Variants in PLEKHH1 observed in about 807,000 individuals in gnomAD.
PLEKHH1 encodes pleckstrin homology domain-containing family H member 1.
A neutral mutation model predicts 160.0 loss-of-function variants in PLEKHH1; 104 were observed. That is an observed-to-expected ratio of 0.65 (90% CI 0.55 to 0.76). The LOEUF is 0.76. PLEKHH1 is among the 30% of genes least tolerant of loss of function. The pLI, the probability that PLEKHH1 is intolerant of heterozygous loss-of-function variation, is 0.00. For missense variants in PLEKHH1, 1,427 were observed against 1,724.1 expected (o/e 0.83, Z 3.05); for synonymous variants, 619 against 678.4 (o/e 0.91, Z 1.36).
intron 26 of PLEKHH1, among the ~76,000 whole-genome samples, chr14:67,584,913 G>A (rs2036077657): frequency 6.6e-6 from 1 of 152,208 alleles, no homozygotes; most frequent in African/African-American, 2.4e-5. Context: ...GGACCCACTT[G>A]GTCTGGGAGC....
At chr14:67,567,490 G>A (rs1169288549) in intron 7 of PLEKHH1, among the ~76,000 whole-genome samples, 3 of 151,972 alleles carry the variant, frequency 2.0e-5, no homozygotes, top group African/African-American at 7.3e-5. Context: ...ACTCTGGGCA[G>A]AAATAATCCT....
Position 67,578,208 on chromosome 14 carries a change from G to A in PLEKHH1, c.2751+9G>A, listed in dbSNP as rs757172606. 1 of 1,611,852 alleles carries A rather than the reference G, an allele frequency of 6.2e-7. No individual in the cohort carries two copies. The highest frequency in any genetic ancestry group is 8.5e-7 in the Non-Finnish European group (1 of 1,178,538). On this transcript the variant is annotated intron_variant, in intron 19 of 28. Coordinates refer to ENST00000329153, the MANE Select transcript of PLEKHH1 (RefSeq NM_020715.3). This position sits in a 1 kb window ranked among gnomAD's most constrained non-coding sequence, Gnocchi z 5.0. The stretch of plus-strand genomic sequence containing the variant: ...AGTACTCCCTCATGCAGGTAGGCAT[G>A]CCAGGGGTGGAGCAGCTGACAGAAG...
Position 67,569,146 on chromosome 14 carries a change from G to C in PLEKHH1, c.1272G>C (p.Arg424=). 6.2e-7 allele frequency: 1 copy of C among 1,611,382 alleles called. No individual in the cohort carries two copies. The highest frequency in any genetic ancestry group is 8.5e-7 in the Non-Finnish European group (1 of 1,178,142). ...PLHQFSSWES[R]IYAVATSGMR... The stretch of plus-strand genomic sequence containing the variant: ...GAGACCTCTTGTTTCAGGAGAGCCG[G>C]ATCTATGCTGTGGCCACATCGGGCA... Residue 424 remains arginine, a synonymous_variant, in exon 8 of 29, where the codon CGG becomes CGC. Transcript: ENST00000329153.
chr14:67,556,087 A>T (rs2034581756), intron 3 of PLEKHH1, among the ~76,000 whole-genome samples, 200 bp downstream of exon 3: 1 of 152,212 alleles, frequency 6.6e-6, no homozygotes, highest in African/African-American at 2.4e-5. Context: ...AGTAGTCCAA[A>T]TAGGCTAGAC....
intron 28 of PLEKHH1, chr14:67,586,456 G>A: frequency 7.7e-7 from 1 of 1,290,380 alleles, no homozygotes; most frequent in Non-Finnish European, 1.0e-6. Flanking sequence ...TCCTCTTTAA[G>A]GTGCTCGCAT....
intron 1 of PLEKHH1, 42 bp from the exon 2 acceptor site, chr14:67,541,792 A>T: frequency 7.4e-7 from 1 of 1,356,044 alleles, no homozygotes; most frequent in African/African-American, 1.5e-5. Flanking sequence ...TCTTCCTCAC[A>T]CGCTTATTTA....
intron 9 of PLEKHH1, 57 bp from the exon 10 acceptor site, chr14:67,571,695 T>C (rs984959377): frequency 3.2e-6 from 5 of 1,575,388 alleles, no homozygotes; most frequent in Non-Finnish European, 3.5e-6. Flanking sequence ...AGCTGCAGGG[T>C]TGGGAGAGGA....
chr14:67,562,639 G>T lies in PLEKHH1; in HGVS notation c.1008G>T (p.Gln336His). 1.2e-6 allele frequency: 2 copies of T among 1,613,064 alleles called. No homozygotes were observed. The highest frequency in any genetic ancestry group is 1.7e-6 in the Non-Finnish European group (2 of 1,179,558). Residue 336 changes from glutamine to histidine, a missense_variant, in exon 7 of 29, where the codon CAG becomes CAT. By Grantham distance (24) the Gln-to-His change is conservative. This residue lies in a region of PLEKHH1 where 831 missense variants were observed against 929.2 expected (regional missense o/e 0.89). Transcript: ENST00000329153. Reference sequence around the variant, plus strand: ...CCAAAAGGCACCACAGCCAGCCCCAGGTGGGCCATGGGCACTTTGGCCGTG... The same window carrying T: ...CCAAAAGGCACCACAGCCAGCCCCATGTGGGCCATGGGCACTTTGGCCGTG... ...QLAKRHHSQP[Q>H]VGHGHFGRVV... is the part of the protein sequence containing the mutation.
Position 67,578,827 on chromosome 14 carries a change from G to A in PLEKHH1, c.2849+196G>A, listed in dbSNP as rs2035752100. On this transcript the variant is annotated intron_variant, in intron 20 of 28. Transcript: ENST00000329153. The surrounding 1 kb of genome is among the most constrained non-coding windows in gnomAD (Gnocchi z 5.0). ...TGGGCATGCTTAAGCTTCTCTGCACGCCAATCCATGTATCCACGGATGTAC... is the reference window on the plus strand; with the variant it reads ...TGGGCATGCTTAAGCTTCTCTGCACACCAATCCATGTATCCACGGATGTAC... Among the ~76,000 whole-genome samples the A allele has an allele frequency of 6.6e-6, 1 of 151,514 alleles. No individual in the cohort carries two copies. Among genetic ancestry groups the A allele is most frequent in the Non-Finnish European group, 1.5e-5 (1 of 67,854 alleles).
intron 4 of PLEKHH1, 122 bp from the exon 5 acceptor site, chr14:67,559,486 T>C: frequency 1.5e-6 from 1 of 649,194 alleles, no homozygotes; most frequent in East Asian, 2.8e-5. Context: ...AAACGATTTC[T>C]GCTCACTGGC....
chr14:67,567,692 CT>C (rs897317675), intron 7 of PLEKHH1, among the ~76,000 whole-genome samples: 10 of 152,156 alleles, frequency 6.6e-5, no homozygotes, highest in African/African-American at 2.4e-4. Context: ...TGTCCCAGGG[CT>C]GCTGCTCCCC....
rs1274165228 is a variant in PLEKHH1, at chr14:67,574,349, T to C, written c.2034T>C (p.Pro678=). Residue 678 remains proline, a synonymous_variant, in exon 14 of 29, where the codon CCT becomes CCC. Coordinates refer to ENST00000329153, the MANE Select transcript of PLEKHH1 (RefSeq NM_020715.3). This position sits in a 1 kb window ranked among gnomAD's most constrained non-coding sequence, Gnocchi z 4.2. ...TGCTGAAGGTGCAGGCCACCGGGCC[T>C]CCAGCTCTGCTTCGGGGTGGCACCA... ...QSLLKVQATG[P]PALLRGGTKP... The C allele has an allele frequency of 6.3e-7, 1 of 1,597,394 alleles. No homozygotes were observed.
Position 67,575,482 on chromosome 14 carries a change from A to C in PLEKHH1, c.2169+10A>C. 1 of 1,558,984 alleles carries C rather than the reference A, an allele frequency of 6.4e-7. No individual in the cohort carries two copies. Among genetic ancestry groups the C allele is most frequent in the Non-Finnish European group, 8.8e-7 (1 of 1,138,810 alleles). On this transcript the variant is annotated intron_variant, in intron 15 of 28. Coordinates refer to ENST00000329153, the MANE Select transcript of PLEKHH1 (RefSeq NM_020715.3). ...GAGCCATGAGGACAAGGTACTTCTC[A>C]GCCTCCTCACAATACCCACTCTCCT... is the stretch of plus-strand genomic sequence containing the variant.
rs1294024755 is a variant in PLEKHH1 at position 67,571,927 on chromosome 14, G to C, written c.1585+25G>C. The C allele has an allele frequency of 3.2e-6, 5 of 1,586,594 alleles. No individual in the cohort carries two copies. In the South Asian group the frequency reaches 5.7e-5, roughly 18 times the overall value. Reference sequence around the variant, plus strand: ...GGTACAGAGAAGGGGAGCAGGGGCAGGGTGCAGCAGCAAGGAGCCCCTCAC... The same window carrying C: ...GGTACAGAGAAGGGGAGCAGGGGCACGGTGCAGCAGCAAGGAGCCCCTCAC... On this transcript the variant is annotated intron_variant, in intron 10 of 28. Coordinates refer to ENST00000329153, the MANE Select transcript of PLEKHH1 (RefSeq NM_020715.3).
intron 1 of PLEKHH1, among the ~76,000 whole-genome samples, chr14:67,538,751 G>T (rs936334180): frequency 1.3e-5 from 2 of 152,150 alleles, no homozygotes; most frequent in African/African-American, 4.8e-5. Flanking sequence ...CCAGGGAGAG[G>T]GTGGTTAATC....
intron 1 of PLEKHH1, among the ~76,000 whole-genome samples, chr14:67,539,139 T>G (rs554053378): frequency 1.3e-5 from 2 of 152,318 alleles, no homozygotes; most frequent in East Asian, 3.9e-4. Context: ...CCACTTTTCC[T>G]ATTTATACAA....
At position 67,545,631 on chromosome 14, in the gene PLEKHH1, T is replaced by C. The variant is rs116490868; in HGVS notation, c.126+3638T>C. On this transcript the variant is annotated intron_variant, in intron 2 of 28. Transcript: ENST00000329153. ...TGACATATATTGCAGCATTGATGTA[T>C]GAAAATTTGGAAACATTCTAAATGT... Among the ~76,000 whole-genome samples the C allele has an allele frequency of 7.2e-3, 1,098 of 152,328 alleles. 14 individuals carry two copies. The highest frequency in any genetic ancestry group is 0.025 in the African/African-American group (1,035 of 41,578).
chr14:67,555,718 A>C, intron 2 of PLEKHH1, 107 bp from the exon 3 acceptor site: 1 of 1,507,264 alleles, frequency 6.6e-7, no homozygotes, highest in African/African-American at 1.4e-5. Context: ...GGGCACTTGA[A>C]GTCTGGCCTG....
chr14:67,579,626 C>T lies in PLEKHH1; in HGVS notation c.3028-95C>T, dbSNP rs1041782996. ...CTTTGGCCTTTTGTATTTGCCCTTG[C>T]TCCTTTCCACCTGCTGTATCCAGAC... On this transcript the variant is annotated intron_variant, in intron 21 of 28. Coordinates refer to ENST00000329153, the MANE Select transcript of PLEKHH1 (RefSeq NM_020715.3). The T allele has an allele frequency of 1.1e-5, 14 of 1,267,770 alleles. No individual in the cohort carries two copies. In the African/African-American group the frequency reaches 1.8e-4, roughly 16 times the overall value. The allele number at this position is 1,267,770 out of a possible 1,614,324, so 78.5% of individuals were successfully genotyped here.
Sources: allele counts gnomAD v4.1 joint callset (sites outside exome capture counted in the v4.1 genomes callset), GRCh38; gene constraint gnomAD v4.1.1; regional missense constraint gnomAD v4.1.1; non-coding constraint Gnocchi (gnomAD v3.1); transcripts MANE v1.5; gene names NCBI Gene and HGNC (gene_info 2026-07-23, HGNC 2026-07-21).